The following UGGT2 variants were observed in gnomAD, a reference collection of about 807,000 sequenced individuals.
UGGT2 encodes UDP-glucose glycoprotein glucosyltransferase 2.
In UGGT2, 180 loss-of-function variants were observed where a neutral mutation model predicts 192.1. The ratio of observed to expected loss-of-function variants is 0.94; its 90% CI spans 0.83 to 1.06. The LOEUF is 1.06. Ranked by LOEUF, UGGT2 falls within the 50% of genes least tolerant of loss-of-function variation. The pLI, the probability that UGGT2 is intolerant of heterozygous loss-of-function variation, is 0.00. For missense variants in UGGT2, 1,849 were observed against 1,795.7 expected, an observed-to-expected ratio of 1.03 and a Z score of -0.54; for synonymous variants, 580 against 591.0, an observed-to-expected ratio of 0.98 and a Z score of 0.27.
At chr13:95,991,257 G>C in intron 7 of UGGT2, 1 of 268,980 alleles carries the variant, frequency 3.7e-6, no homozygotes, top group Non-Finnish European at 7.6e-6. Flanking sequence ...GCATTGCTGG[G>C]TCAAATGGTA....
chr13:95,804,443 T>A (rs879291242), intron 38 of UGGT2, among the ~76,000 whole-genome samples: 1 of 152,164 alleles, frequency 6.6e-6, no homozygotes, highest in Non-Finnish European at 1.5e-5. Context: ...ATGCTTTTTA[T>A]AGAAACAGGA....
intron 7 of UGGT2, 158 bp downstream of exon 7, chr13:95,995,905 T>C (rs1290237728): frequency 1.3e-5 from 8 of 631,364 alleles, no homozygotes; most frequent in Non-Finnish European, 1.9e-5. Flanking sequence ...ACATTAGCCA[T>C]GTGTTACTTC....
chr13:95,987,413 T>C lies in UGGT2; in HGVS notation c.932-981A>G, dbSNP rs548737668. Among the ~76,000 whole-genome samples, 6 of 152,330 alleles carry C rather than the reference T, an allele frequency of 3.9e-5. No individual in the cohort carries two copies. In the East Asian group the frequency reaches 1.2e-3, roughly 29 times the overall value. On this transcript the variant is annotated intron_variant, in intron 8 of 38. Coordinates refer to ENST00000376747, the MANE Select transcript of UGGT2 (RefSeq NM_020121.4). ...GAGTCAACTAGAACTAAGCTGACTA[T>C]GCATACTCTTTGCTTAAAGGCCTTC...
intron 31 of UGGT2, among the ~76,000 whole-genome samples, chr13:95,861,409 G>C (rs1250449746): frequency 1.3e-5 from 2 of 152,080 alleles, no homozygotes; most frequent in African/African-American, 2.4e-5. Flanking sequence ...TATGGAGTAT[G>C]CTCTTGGTAC....
In UGGT2 at chr13:95,897,950, C is replaced by T. The variant is rs531075329; in HGVS notation, c.2635-2646G>A. Reference sequence around the variant, plus strand: ...CTCTTTCCTTCTTCTTATACTGCTCCTGACAACCTCACTCATCCTGCAGCC... The same window carrying T: ...CTCTTTCCTTCTTCTTATACTGCTCTTGACAACCTCACTCATCCTGCAGCC... On this transcript the variant is annotated intron_variant, in intron 22 of 38. Transcript: ENST00000376747. Among the ~76,000 whole-genome samples the T allele has an allele frequency of 2.0e-5, 3 of 152,196 alleles. No individual in the cohort carries two copies. The South Asian group carries it at 6.2e-4, about 32-fold the overall frequency.
intron 10 of UGGT2, among the ~76,000 whole-genome samples, chr13:95,980,983 G>A (rs1181205526): frequency 6.6e-6 from 1 of 152,208 alleles, no homozygotes; most frequent in Non-Finnish European, 1.5e-5. Flanking sequence ...GGGTGACAGA[G>A]CAAGACTCCA....
intron 38 of UGGT2, among the ~76,000 whole-genome samples, chr13:95,820,739 T>A (rs1419478967): frequency 6.6e-6 from 1 of 151,876 alleles, no homozygotes; most frequent in East Asian, 1.9e-4. Context: ...ATGCAGTCTT[T>A]TATCCCTCAC....
intron 10 of UGGT2, among the ~76,000 whole-genome samples, chr13:95,977,937 T>A (rs529951205): frequency 1.3e-5 from 2 of 152,018 alleles, no homozygotes; most frequent in South Asian, 4.2e-4. Context: ...CAAACTAACA[T>A]AGGAACAGAA....
rs1019912545 is a variant in UGGT2 at position 95,958,580 on chromosome 13, T to C, written c.1336-9126A>G. On this transcript the variant is annotated intron_variant, in intron 12 of 38. Coordinates refer to ENST00000376747, the MANE Select transcript of UGGT2 (RefSeq NM_020121.4). The stretch of plus-strand genomic sequence containing the variant: ...ATCAGCAAAAATTTCAGAGAGGATT[T>C]TTCCCCTTAAGATCTTTTTTTTTTT... Among the ~76,000 whole-genome samples, 10 of 152,064 alleles carry C rather than the reference T, an allele frequency of 6.6e-5. 1 individual carries two copies.
intron 36 of UGGT2, among the ~76,000 whole-genome samples, chr13:95,852,343 T>A (rs1371748016): frequency 6.6e-6 from 1 of 152,186 alleles, no homozygotes; most frequent in Non-Finnish European, 1.5e-5. Context: ...TTGGCCTGCA[T>A]CTGTGTCAGC....
chr13:95,948,999 C>A (rs554946732), intron 13 of UGGT2, among the ~76,000 whole-genome samples: 10 of 152,330 alleles, frequency 6.6e-5, no homozygotes, highest in African/African-American at 2.4e-4. Context: ...ACTTCTCCTT[C>A]CTGCCACTAT....
rs777948617 is a variant in UGGT2 at position 96,023,612 on chromosome 13, T to G, written c.372+17A>C. 2 of 1,599,172 alleles carry G rather than the reference T, an allele frequency of 1.3e-6. No homozygotes were observed. Among genetic ancestry groups the G allele is most frequent in the Admixed American group, 3.4e-5 (2 of 58,344 alleles). On this transcript the variant is annotated intron_variant, in intron 3 of 38. Coordinates refer to ENST00000376747, the MANE Select transcript of UGGT2 (RefSeq NM_020121.4). ...GCGTGCCTCTTTGTCAAATACAGAT[T>G]GGGTATTTTTACGCACCTGCTGAAA...
chr13:95,980,755 G>C (rs1053001009), intron 10 of UGGT2, among the ~76,000 whole-genome samples: 1 of 152,176 alleles, frequency 6.6e-6, no homozygotes, highest in African/African-American at 2.4e-5. Context: ...AAGATTCTTG[G>C]GAGGCCAAGG....
rs1889351165 is a variant in UGGT2, at chr13:95,854,241, T to C, written c.4169+74A>G. The C allele has an allele frequency of 2.0e-6, 3 of 1,496,570 alleles. No homozygotes were observed. In the South Asian group the frequency reaches 4.1e-5, roughly 21 times the overall value. 92.7% of individuals were successfully genotyped at this position (1,496,570 alleles called of 1,614,324 possible). On this transcript the variant is annotated intron_variant, in intron 35 of 38. Coordinates refer to ENST00000376747, the MANE Select transcript of UGGT2 (RefSeq NM_020121.4). The stretch of plus-strand genomic sequence containing the variant: ...TGTAATTTTTAAGAAAACTGTGTAA[T>C]TTTTAAGAAAACTGAAAGTTGCAAT...
At chr13:95,988,737 A>G (rs1357250953) in intron 8 of UGGT2, among the ~76,000 whole-genome samples, 1 of 152,176 alleles carries the variant, frequency 6.6e-6, no homozygotes, top group Non-Finnish European at 1.5e-5. Flanking sequence ...TGTCTTGCAC[A>G]TTCTGCTATA....
At chr13:95,915,356 A>C (rs2048647568) in intron 20 of UGGT2, among the ~76,000 whole-genome samples, 1 of 152,124 alleles carries the variant, frequency 6.6e-6, no homozygotes, top group Admixed American at 6.5e-5. Flanking sequence ...CAGCTTCTTG[A>C]CATGTAACTC....
chr13:95,817,825 C>T (rs553944679), intron 38 of UGGT2, among the ~76,000 whole-genome samples: 1 of 152,138 alleles, frequency 6.6e-6, no homozygotes, highest in Non-Finnish European at 1.5e-5. Flanking sequence ...AGATGACATT[C>T]ATTGCCCATC....
intron 5 of UGGT2, 70 bp downstream of exon 5, chr13:96,013,237 G>A (rs2052220112): frequency 1.4e-6 from 2 of 1,408,528 alleles, no homozygotes; most frequent in Non-Finnish European, 1.9e-6. Flanking sequence ...TTTAAATCTA[G>A]TAAGACGATT....
intron 30 of UGGT2, among the ~76,000 whole-genome samples, chr13:95,866,167 A>T (rs1007330276): frequency 1.3e-5 from 2 of 152,128 alleles, no homozygotes; most frequent in Non-Finnish European, 2.9e-5. Flanking sequence ...AAAGCTATCT[A>T]CTATTAATTT....
Sources: gnomAD v4.1 joint callset for allele counts (sites outside exome capture counted in the v4.1 genomes callset) on GRCh38, gnomAD v4.1.1 for gene constraint, MANE v1.5 for transcripts, NCBI Gene and HGNC (gene_info 2026-07-23, HGNC 2026-07-21) for gene names.